The following CSMD1 variants were observed in gnomAD, a reference collection of about 807,000 sequenced individuals.
CSMD1 encodes CUB and sushi domain-containing protein 1.
In CSMD1, 213 loss-of-function variants were observed where a neutral mutation model predicts 417.5. That is an observed-to-expected ratio of 0.51 (90% CI 0.46 to 0.57). The LOEUF (loss-of-function observed/expected upper bound fraction) is 0.57. Ranked by LOEUF, CSMD1 falls within the 20% of genes least tolerant of loss-of-function variation. CSMD1 has a pLI of 0.00. For missense variants in CSMD1, 6,923 were observed against 4,529.7 expected (o/e 1.53, Z -15.17); for synonymous variants, 2,862 against 1,736.8 (o/e 1.65, Z -16.11).
chr8:4,287,820 C>A (rs1340643897), intron 3 of CSMD1, among the ~76,000 whole-genome samples: 2 of 152,056 alleles, frequency 1.3e-5, no homozygotes, highest in East Asian at 3.9e-4. Context: ...CTGTGGCCCA[C>A]TGAATGCATT....
chr8:3,393,629 C>G, intron 17 of CSMD1, among the ~76,000 whole-genome samples: 1 of 151,978 alleles, frequency 6.6e-6, no homozygotes, highest in East Asian at 1.9e-4. Context: ...GAAAATATGG[C>G]ACATATACAC....
At chr8:4,751,703 C>G (rs1375009180) in intron 1 of CSMD1, among the ~76,000 whole-genome samples, 5 of 152,098 alleles carry the variant, frequency 3.3e-5, no homozygotes, top group Admixed American at 1.3e-4. Flanking sequence ...CTCTGAAACA[C>G]AGACCAATTT....
At chr8:4,248,563 G>C (rs1802851636) in intron 3 of CSMD1, among the ~76,000 whole-genome samples, 1 of 152,078 alleles carries the variant, frequency 6.6e-6, no homozygotes, top group South Asian at 2.1e-4. Flanking sequence ...ATTTCTCTTT[G>C]GCTAACTCTC....
intron 5 of CSMD1, among the ~76,000 whole-genome samples, chr8:3,891,779 T>C (rs1287898133): frequency 1.3e-5 from 2 of 152,126 alleles, no homozygotes; most frequent in Admixed American, 6.6e-5. Context: ...ATAACGTCAT[T>C]ACTATGTGAT....
intron 35 of CSMD1, among the ~76,000 whole-genome samples, chr8:3,188,528 A>C (rs956640784): frequency 6.6e-6 from 1 of 151,824 alleles, no homozygotes; most frequent in African/African-American, 2.4e-5. Flanking sequence ...GCTAGTCTTG[A>C]ACTCCTGACA....
chr8:4,790,297 G>A (rs188883653), intron 1 of CSMD1, among the ~76,000 whole-genome samples: 135 of 152,168 alleles, frequency 8.9e-4, no homozygotes, highest in Non-Finnish European at 1.5e-3. Context: ...CCTCTACCAC[G>A]AGAATTACAA....
chr8:4,024,102 T>C (rs1411661582), intron 4 of CSMD1, among the ~76,000 whole-genome samples: 2 of 152,078 alleles, frequency 1.3e-5, no homozygotes, highest in Admixed American at 6.5e-5. Flanking sequence ...TATTCACATC[T>C]TACTAAATGG....
At chr8:3,525,194 C>T (rs896604969) in intron 10 of CSMD1, among the ~76,000 whole-genome samples, 1 of 152,104 alleles carries the variant, frequency 6.6e-6, no homozygotes, top group African/African-American at 2.4e-5. Context: ...GAGACTCAGC[C>T]GTCAGAAATC....
intron 49 of CSMD1, among the ~76,000 whole-genome samples, chr8:3,083,620 A>ATATATATATATG (rs1213286109): frequency 1.5e-3 from 21 of 14,132 alleles, no homozygotes; most frequent in African/African-American, 6.4e-3. Context: ...TTATATATAT[A>ATATATATATATG]TATATATATA....
intron 5 of CSMD1, among the ~76,000 whole-genome samples, chr8:3,886,428 G>T (rs530507118): frequency 4.6e-5 from 7 of 152,146 alleles, no homozygotes; most frequent in Non-Finnish European, 1.0e-4. Flanking sequence ...GAATGTAATC[G>T]ATTTAACATA....
chr8:4,384,947 A>C (rs1803348836), intron 3 of CSMD1, among the ~76,000 whole-genome samples: 1 of 152,090 alleles, frequency 6.6e-6, no homozygotes, highest in African/African-American at 2.4e-5. Context: ...CACATCAGGA[A>C]ATTTCCTCTG....
chr8:4,935,906 C>A (rs1353488614), intron 1 of CSMD1, among the ~76,000 whole-genome samples: 1 of 152,206 alleles, frequency 6.6e-6, no homozygotes, highest in Non-Finnish European at 1.5e-5. Context: ...TCCTCCCCAG[C>A]AGGATGCTCC....
chr8:3,344,079 A>C (rs1807831403), intron 22 of CSMD1, among the ~76,000 whole-genome samples: 1 of 152,168 alleles, frequency 6.6e-6, no homozygotes, highest in Non-Finnish European at 1.5e-5. Flanking sequence ...GCAGTTGTAA[A>C]ACGAGAGTAG....
At chr8:4,435,193 A>G (rs752262056) in intron 2 of CSMD1, among the ~76,000 whole-genome samples, 1 of 152,222 alleles carries the variant, frequency 6.6e-6, no homozygotes, top group Non-Finnish European at 1.5e-5. Context: ...ATAAATTGAT[A>G]CACAAGTACA....
chr8:3,133,622 G>A (rs1817914118), intron 41 of CSMD1, among the ~76,000 whole-genome samples: 1 of 152,178 alleles, frequency 6.6e-6, no homozygotes, highest in South Asian at 2.1e-4. Flanking sequence ...CAGTCAGGAG[G>A]GGCGGGCATA....
intron 3 of CSMD1, among the ~76,000 whole-genome samples, chr8:4,409,837 A>C (rs1008101534): frequency 2.0e-5 from 3 of 152,090 alleles, no homozygotes; most frequent in Non-Finnish European, 4.4e-5. Context: ...TCTTTGAGAC[A>C]GAGTCTCACT....
chr8:4,855,807 TGG>T (rs1228884899), intron 1 of CSMD1, among the ~76,000 whole-genome samples: 1 of 151,544 alleles, frequency 6.6e-6, no homozygotes, highest in Admixed American at 6.6e-5. Flanking sequence ...CTGAAAGTGA[TGG>T]GGAGAATGGA....
chr8:4,588,436 CA>C (rs1799814066), intron 2 of CSMD1, among the ~76,000 whole-genome samples: 1 of 150,982 alleles, frequency 6.6e-6, no homozygotes, highest in African/African-American at 2.4e-5. Context: ...CTAGATAGTA[CA>C]GCCAGTCTGT....
At chr8:4,384,974 G>A (rs1034985682) in intron 3 of CSMD1, among the ~76,000 whole-genome samples, 7 of 152,172 alleles carry the variant, frequency 4.6e-5, no homozygotes, top group Admixed American at 1.3e-4. Context: ...AGGATGGAGT[G>A]CAATGGCGCA....
Sources: allele counts gnomAD v4.1 joint callset (sites outside exome capture counted in the v4.1 genomes callset), GRCh38; gene constraint gnomAD v4.1.1; transcripts MANE v1.5; gene names NCBI Gene and HGNC (gene_info 2026-07-23, HGNC 2026-07-21).